ZNF668: variants seen among roughly 807,000 people sequenced by gnomAD.
The protein encoded by ZNF668 is zinc finger protein 668.
Under a neutral mutation model 40.3 loss-of-function variants are expected in ZNF668, and 10 were observed. That is an observed-to-expected ratio of 0.25 (90% CI 0.15 to 0.42). ZNF668 has a LOEUF of 0.42. Among genes scored for constraint, ZNF668 ranks in the 10% least tolerant of loss-of-function variants. ZNF668 has a pLI of 1.00. For synonymous variants in ZNF668, 428 were observed against 384.6 expected, an observed-to-expected ratio of 1.11 and a Z score of -1.32; for missense variants, 749 against 904.6, an observed-to-expected ratio of 0.83 and a Z score of 2.21.
intron 1 of ZNF668, among the ~76,000 whole-genome samples, chr16:31,071,387 G>T (rs1418553159): frequency 6.6e-6 from 1 of 151,572 alleles, no homozygotes; most frequent in South Asian, 2.1e-4. Context: ...CGCTGGTCTC[G>T]AACTCCTGAC....
intron 1 of ZNF668, among the ~76,000 whole-genome samples, chr16:31,067,290 GT>G (rs2056986566): frequency 6.6e-6 from 1 of 152,196 alleles, no homozygotes; most frequent in Non-Finnish European, 1.5e-5. Flanking sequence ...ATACCAGGCA[GT>G]ATCCTAAACT....
Position 31,064,129 on chromosome 16 carries a change from G to T in ZNF668, c.331C>A (p.Pro111Thr). The T allele has an allele frequency of 6.2e-7, 1 of 1,607,210 alleles. No individual in the cohort carries two copies. Among genetic ancestry groups the T allele is most frequent in the Non-Finnish European group, 8.5e-7 (1 of 1,178,346 alleles). ...SHGRSHTGEK[P>T]FPCPECGRRF... The stretch of plus-strand genomic sequence containing the variant: ...CGGCCGCACTCGGGGCACGGAAAGG[G>T]CTTCTCCCCCGTGTGGCTGCGCCCG... The change falls in exon 2 of 3, where the codon CCC (proline) becomes ACC (threonine). Residue 111 changes from proline to threonine, a missense_variant. Transcript: ENST00000300849.
chr16:31,067,457 T>G (rs756237519), intron 1 of ZNF668, among the ~76,000 whole-genome samples: 6 of 152,154 alleles, frequency 3.9e-5, no homozygotes, highest in Non-Finnish European at 8.8e-5. Flanking sequence ...GCTTCAGATT[T>G]TGCCTCCATC....
chr16:31,061,833 G>A lies in ZNF668; in HGVS notation c.1095C>T (p.Arg365=). The A allele has an allele frequency of 6.2e-7, 1 of 1,613,100 alleles. No individual in the cohort carries two copies. The highest frequency in any genetic ancestry group is 1.1e-5 in the South Asian group (1 of 91,058). ...ALVHSGQRPF[R]CEECGRAFAE... Reference sequence around the variant, plus strand: ...CGAAGGCTCGCCCGCACTCCTCACAGCGGAAGGGCCGCTGGCCAGAGTGCA... The same window carrying A: ...CGAAGGCTCGCCCGCACTCCTCACAACGGAAGGGCCGCTGGCCAGAGTGCA... The change falls in exon 3 of 3, where the codon CGC becomes CGT. Residue 365 remains arginine, a synonymous_variant. Transcript: ENST00000300849. This position sits in a 1 kb window ranked among gnomAD's most constrained non-coding sequence, Gnocchi z 7.7.
At chr16:31,068,220 T>TTAAAAAAA (rs1555498568) in intron 1 of ZNF668, among the ~76,000 whole-genome samples, 5 of 9,380 alleles carry the variant, frequency 5.3e-4, no homozygotes, top group East Asian at 3.2e-3. Flanking sequence ...ATCCCACCAT[T>TTAAAAAAA]AAAAAAAAAA....
At chr16:31,062,492 A>C (rs2056939473) in intron 2 of ZNF668, 1 of 657,364 alleles carries the variant, frequency 1.5e-6, no homozygotes, top group Admixed American at 3.5e-5. Context: ...TTAAAGACCA[A>C]GATATGGGCC....
intron 1 of ZNF668, among the ~76,000 whole-genome samples, chr16:31,067,220 A>AAAAT (rs982250609): frequency 2.6e-5 from 4 of 152,278 alleles, no homozygotes; most frequent in South Asian, 2.1e-4. Context: ...CCCCATCTCA[A>AAAAT]AAATAAATAA....
chr16:31,068,219 T>A (rs2056990663), intron 1 of ZNF668, among the ~76,000 whole-genome samples: 5 of 2,054 alleles, frequency 2.4e-3, no homozygotes, highest in Non-Finnish European at 5.0e-3. Flanking sequence ...CATCCCACCA[T>A]TAAAAAAAAA....
chr16:31,064,679 A>G, intron 1 of ZNF668, 198 bp from the exon 2 acceptor site: 1 of 1,536,108 alleles, frequency 6.5e-7, no homozygotes, highest in South Asian at 1.2e-5. Context: ...AAGTGTCCGC[A>G]GAGCCACTAA....
At chr16:31,072,154 A>C (rs1039420988) in intron 1 of ZNF668, among the ~76,000 whole-genome samples, 12 of 152,136 alleles carry the variant, frequency 7.9e-5, no homozygotes, top group Non-Finnish European at 1.6e-4. Context: ...CTAGCATTAC[A>C]CATCTTATGG....
Position 31,061,202 on chromosome 16 carries a change from G to A in ZNF668, c.1726C>T (p.His576Tyr), listed in dbSNP as rs1383731335. The A allele has an allele frequency of 8.5e-6, 13 of 1,522,140 alleles. No individual in the cohort carries two copies. Among genetic ancestry groups the A allele is most frequent in the Non-Finnish European group, 1.1e-5 (13 of 1,136,654 alleles). The allele number at this position is 1,522,140 out of a possible 1,614,324, so 94.3% of individuals were successfully genotyped here. ...HSSVRPYTCP[H>Y]CPKAFLSASD... is the part of the protein sequence containing the mutation. ...GCACTCAAGAAGGCCTTGGGACAAT[G>A]GGGGCAGGTGTAGGGGCGCACTGAG... The change falls in exon 3 of 3, where the codon CAT becomes TAT. Residue 576 changes from histidine to tyrosine, a missense_variant. This residue lies in a region of ZNF668 where 310 missense variants were observed against 355.1 expected (regional missense o/e 0.87). Transcript: ENST00000300849. The surrounding 1 kb of genome is among the most constrained non-coding windows in gnomAD (Gnocchi z 7.7).
intron 1 of ZNF668, among the ~76,000 whole-genome samples, chr16:31,070,484 A>G (rs2057009177): frequency 1.3e-5 from 2 of 152,114 alleles, no homozygotes; most frequent in South Asian, 4.1e-4. Flanking sequence ...CTTGGATTAC[A>G]GGCATGAGCC....
At chr16:31,066,098 C>T in intron 1 of ZNF668, 1 of 985,394 alleles carries the variant, frequency 1.0e-6, no homozygotes, top group Non-Finnish European at 1.2e-6. Flanking sequence ...AAGTCAGCAC[C>T]CTTCTGCCTG....
At chr16:31,068,595 T>G (rs1318937289) in intron 1 of ZNF668, among the ~76,000 whole-genome samples, 1 of 150,112 alleles carries the variant, frequency 6.7e-6, no homozygotes, top group African/African-American at 2.5e-5. Flanking sequence ...TCTGGATCAT[T>G]CCAGCCAATA....
chr16:31,062,344 C>T, intron 2 of ZNF668, 64 bp from the exon 3 acceptor site: 2 of 1,518,708 alleles, frequency 1.3e-6, no homozygotes, highest in Non-Finnish European at 1.8e-6. Flanking sequence ...CACTGCCTGT[C>T]TGGGCTGTAC....
intron 1 of ZNF668, among the ~76,000 whole-genome samples, chr16:31,070,457 C>T (rs566932975): frequency 6.6e-5 from 10 of 150,906 alleles, no homozygotes; most frequent in Admixed American, 5.3e-4. Flanking sequence ...ATCCACCCAC[C>T]TTGGCTTCCC....
chr16:31,061,528 C>G lies in ZNF668; in HGVS notation c.1400G>C (p.Gly467Ala). The G allele has an allele frequency of 6.2e-7, 1 of 1,611,948 alleles. No homozygotes were observed. The highest frequency in any genetic ancestry group is 8.5e-7 in the Non-Finnish European group (1 of 1,179,950). Residue 467 changes from glycine to alanine, a missense_variant, in exon 3 of 3, where the codon GGT becomes GCT. Coordinates refer to ENST00000300849, the MANE Select transcript of ZNF668 (RefSeq NM_024706.5). The surrounding 1 kb of genome is among the most constrained non-coding windows in gnomAD (Gnocchi z 7.7). ...AGLLGLPPES[G>A]GVMATQWQVV... is the part of the protein sequence containing the mutation. ...CTGCCACTGTGTGGCCATCACACCA[C>G]CTGACTCCGGGGGCAGCCCTAGCAG...
At chr16:31,071,626 C>A (rs1418324066) in intron 1 of ZNF668, among the ~76,000 whole-genome samples, 2 of 152,090 alleles carry the variant, frequency 1.3e-5, no homozygotes, top group Non-Finnish European at 2.9e-5. Flanking sequence ...ATTAAAAATT[C>A]TTTGTATATA....
At chr16:31,064,827 A>G in intron 1 of ZNF668, 2 of 1,452,716 alleles carry the variant, frequency 1.4e-6, no homozygotes, top group Admixed American at 5.2e-5. Context: ...TCAGTGTCCA[A>G]GAACTATGCC....
Sources: allele counts gnomAD v4.1 joint callset (sites outside exome capture counted in the v4.1 genomes callset), GRCh38; gene constraint gnomAD v4.1.1; regional missense constraint gnomAD v4.1.1; non-coding constraint Gnocchi (gnomAD v3.1); transcripts MANE v1.5; gene names NCBI Gene and HGNC (gene_info 2026-07-23, HGNC 2026-07-21).